PECR: variants seen among roughly 807,000 people sequenced by gnomAD.
The protein encoded by PECR is 2,4-dienoyl-CoA reductase-related protein.
PECR carries 30 observed loss-of-function variants against 35.3 expected under a neutral mutation model. The observed-to-expected ratio is 0.85, with a 90% CI of 0.64 to 1.15. The LOEUF is 1.15. Among genes scored for constraint, PECR ranks in the 50% most tolerant of loss-of-function variants. The pLI is 0.00. For missense variants in PECR, 392 were observed against 370.8 expected (o/e 1.06, Z -0.47); for synonymous variants, 148 against 138.9 (o/e 1.07, Z -0.46).
intron 4 of PECR, among the ~76,000 whole-genome samples, chr2:216,054,877 C>T (rs1418533862): frequency 6.6e-6 from 1 of 151,668 alleles, no homozygotes; most frequent in Non-Finnish European, 1.5e-5. Flanking sequence ...CTCTGGGAGG[C>T]CGAGGCAGGC....
intron 7 of PECR, among the ~76,000 whole-genome samples, chr2:216,030,308 G>A (rs773640623): frequency 9.2e-5 from 14 of 152,066 alleles, no homozygotes; most frequent in Admixed American, 2.0e-4. Context: ...GGCAGGGGTC[G>A]GGGCTCTGAA....
At chr2:216,030,996 T>A (rs916575037) in intron 7 of PECR, among the ~76,000 whole-genome samples, 1 of 142,994 alleles carries the variant, frequency 7.0e-6, no homozygotes, top group Non-Finnish European at 1.6e-5. Context: ...ACACACACAC[T>A]CTGTCCCTGC....
chr2:216,075,879 A>C (rs1168253441), intron 1 of PECR, among the ~76,000 whole-genome samples: 1 of 152,204 alleles, frequency 6.6e-6, no homozygotes, highest in African/African-American at 2.4e-5. Flanking sequence ...TCCTAATTGC[A>C]TTTTATCTAC....
downstream of PECR, among the ~76,000 whole-genome samples, chr2:216,034,486 T>G (rs1447285632): frequency 6.6e-6 from 1 of 152,204 alleles, no homozygotes; most frequent in African/African-American, 2.4e-5. Flanking sequence ...CCTCTCTTTC[T>G]TGGACTGTAC....
chr2:216,048,017 T>C (rs1302105598), intron 6 of PECR, among the ~76,000 whole-genome samples: 1 of 151,446 alleles, frequency 6.6e-6, no homozygotes, highest in Non-Finnish European at 1.5e-5. Flanking sequence ...GTAAGTTTAC[T>C]ACTAGTTATT....
chr2:216,074,713 C>G (rs888112320), intron 1 of PECR, among the ~76,000 whole-genome samples: 7 of 152,232 alleles, frequency 4.6e-5, no homozygotes, highest in Non-Finnish European at 1.0e-4. Flanking sequence ...CTATCTGAAA[C>G]CTCAAGACTT....
downstream of PECR, chr2:216,033,558 C>G (rs1215767052): frequency 6.6e-6 from 1 of 152,298 alleles, no homozygotes; most frequent in Non-Finnish European, 1.5e-5. Context: ...GCAGAAAGGT[C>G]AGTAACCTCA....
chr2:216,046,031 G>T (rs1490277225), intron 6 of PECR, among the ~76,000 whole-genome samples: 1 of 151,464 alleles, frequency 6.6e-6, no homozygotes, highest in African/African-American at 2.4e-5. Context: ...ACAAAAATTA[G>T]CTGGGCATGC....
chr2:216,073,789 A>G (rs1205093574), intron 1 of PECR, among the ~76,000 whole-genome samples: 1 of 152,186 alleles, frequency 6.6e-6, no homozygotes, highest in Non-Finnish European at 1.5e-5. Context: ...GCCTAGAAGC[A>G]ATAGGCTATT....
At chr2:216,073,791 T>C (rs1343418993) in intron 1 of PECR, among the ~76,000 whole-genome samples, 2 of 152,196 alleles carry the variant, frequency 1.3e-5, no homozygotes, top group Non-Finnish European at 2.9e-5. Context: ...CTAGAAGCAA[T>C]AGGCTATTGA....
chr2:216,059,845 C>T (rs1334868488), intron 3 of PECR, among the ~76,000 whole-genome samples: 1 of 152,154 alleles, frequency 6.6e-6, no homozygotes, highest in Non-Finnish European at 1.5e-5. Flanking sequence ...GCATTAAGTC[C>T]TCCAACTTTC....
chr2:216,074,025 T>C (rs1695636543), intron 1 of PECR, among the ~76,000 whole-genome samples: 1 of 152,182 alleles, frequency 6.6e-6, no homozygotes, highest in Admixed American at 6.5e-5. Flanking sequence ...AGGAGAGAAA[T>C]AAGCACCCCA....
chr2:216,043,041 A>ATATATGTATG (rs1559207824), intron 7 of PECR, among the ~76,000 whole-genome samples: 1 of 132,514 alleles, frequency 7.5e-6, no homozygotes, highest in Non-Finnish European at 1.5e-5. Flanking sequence ...ATGTATGTGT[A>ATATATGTATG]TATATATATA....
chr2:216,036,048 C>T (rs144976699), downstream of PECR, among the ~76,000 whole-genome samples: 76 of 152,330 alleles, frequency 5.0e-4, no homozygotes, highest in Middle Eastern at 6.8e-3. Flanking sequence ...CCATGACTAT[C>T]TGGGGGCTAT....
chr2:216,037,816 G>A (rs567145011), downstream of PECR, among the ~76,000 whole-genome samples: 2 of 152,218 alleles, frequency 1.3e-5, no homozygotes, highest in African/African-American at 4.8e-5. Context: ...CGGGCGTGGT[G>A]GCTCTCACCT....
At chr2:216,033,779 AACGCAGG>A (rs1694748399), downstream of PECR, 1 of 152,428 alleles carries the variant, frequency 6.6e-6, no homozygotes, top group African/African-American at 2.4e-5. Context: ...CACCAGGCAG[AACGCAGG>A]ACTGCCTCTC....
chr2:216,055,611 T>G (rs1347350653), intron 4 of PECR, among the ~76,000 whole-genome samples: 1 of 152,028 alleles, frequency 6.6e-6, no homozygotes, highest in Non-Finnish European at 1.5e-5. Context: ...CATACTTGAA[T>G]ATAAATGTTT....
intron 1 of PECR, among the ~76,000 whole-genome samples, chr2:216,070,550 T>A (rs1485389961): frequency 6.6e-6 from 1 of 152,232 alleles, no homozygotes; most frequent in African/African-American, 2.4e-5. Flanking sequence ...CTACTGTTAC[T>A]ACTTACTATT....
At chr2:216,061,852 T>C (rs1695359464) in intron 3 of PECR, among the ~76,000 whole-genome samples, 2 of 152,188 alleles carry the variant, frequency 1.3e-5, no homozygotes, top group African/African-American at 4.8e-5. Context: ...TTAGGTGTAA[T>C]AATGGTATTG....
Sources: gnomAD v4.1 joint callset for allele counts (sites outside exome capture counted in the v4.1 genomes callset) on GRCh38, gnomAD v4.1.1 for gene constraint, MANE v1.5 for transcripts, NCBI Gene and HGNC (gene_info 2026-07-23, HGNC 2026-07-21) for gene names.